The following APC variants were observed in gnomAD, a reference collection of about 807,000 sequenced individuals.
The protein encoded by APC is APC regulator of Wnt signaling pathway, also known as adenomatous polyposis coli protein.
In APC, 72 loss-of-function variants were observed where a neutral mutation model predicts 247.0. The ratio of observed to expected loss-of-function variants is 0.29; its 90% CI spans 0.24 to 0.35. APC has a LOEUF of 0.35. Ranked by LOEUF, APC falls within the 10% of genes least tolerant of loss-of-function variation. The pLI, the probability that APC is intolerant of heterozygous loss-of-function variation, is 1.00. For missense variants in APC, 3,400 were observed against 3,360.7 expected (o/e 1.01, Z -0.29); for synonymous variants, 1,254 against 1,162.5 (o/e 1.08, Z -1.60).
At chr5:112,726,022 C>T (rs2149664438) in intron 1 of APC, among the ~76,000 whole-genome samples, 2 of 152,196 alleles carry the variant, frequency 1.3e-5, no homozygotes, top group Middle Eastern at 3.4e-3. Context: ...CTGTTCAGGC[C>T]ACCGTCCATG....
chr5:112,776,850 A>C (rs186046514), intron 5 of APC, among the ~76,000 whole-genome samples: 20 of 151,104 alleles, frequency 1.3e-4, no homozygotes, highest in Non-Finnish European at 2.9e-4. Flanking sequence ...ATCTCAAAAC[A>C]AAAAGAAAAA....
intron 7 of APC, 128 bp from the exon 8 acceptor site, chr5:112,801,151 G>A: frequency 2.9e-6 from 2 of 681,360 alleles, no homozygotes; most frequent in South Asian, 3.3e-5. Context: ...GTAATACACA[G>A]TTCCATGCCT....
rs919197833 is a variant in APC, at chr5:112,738,407, G to A, written c.-19+482G>A. 4.1e-6 allele frequency: 4 copies of A among 985,712 alleles called. No individual in the cohort carries two copies. In the African/African-American group the frequency reaches 5.2e-5, roughly 13 times the overall value. 61.1% of individuals were successfully genotyped at this position (985,712 alleles called of 1,614,324 possible). On this transcript the variant is annotated intron_variant, in intron 1 of 15. Coordinates refer to ENST00000257430, the MANE Select transcript of APC (RefSeq NM_000038.6). ...GGAGACAAAACCGCTGCAGATGGCT[G>A]ATGTGAATCTAGTGGAAAGAGCTAC...
intron 1 of APC, among the ~76,000 whole-genome samples, chr5:112,741,163 A>C (rs1001973503): frequency 6.6e-6 from 1 of 152,220 alleles, no homozygotes; most frequent in South Asian, 2.1e-4. Flanking sequence ...TAAGACACGT[A>C]AACTAATCTC....
chr5:112,718,499 G>T (rs1751303247), intron 1 of APC, among the ~76,000 whole-genome samples: 1 of 152,302 alleles, frequency 6.6e-6, no homozygotes, highest in East Asian at 1.9e-4. Flanking sequence ...TTTCACTGCA[G>T]TCCTCACCCT....
rs1554088085 is a variant in APC, at chr5:112,842,754, A to G, written c.7160A>G (p.Asn2387Ser). ...ACCAAACAAACAGGTTTATCCAAGA[A>G]TGCCAGTAGTATTCCAAGAAGTGAG... ...NLTKQTGLSK[N>S]ASSIPRSESA... The change falls in exon 16 of 16, where the codon AAT becomes AGT. Residue 2387 changes from asparagine (N) to serine (S), a missense_variant. Asn to Ser is a conservative substitution (Grantham distance 46). This residue lies in a region of APC where 1,788 missense variants were observed against 1,649.5 expected (regional missense o/e 1.08). Transcript: ENST00000257430. 1 of 1,614,002 alleles carries G rather than the reference A, an allele frequency of 6.2e-7. No individual in the cohort carries two copies. Among genetic ancestry groups the G allele is most frequent in the Non-Finnish European group, 8.5e-7 (1 of 1,179,862 alleles).
chr5:112,725,399 T>C (rs1161973988), intron 1 of APC, among the ~76,000 whole-genome samples: 1 of 152,102 alleles, frequency 6.6e-6, no homozygotes, highest in Non-Finnish European at 1.5e-5. Flanking sequence ...TGTTGTTTCT[T>C]GAGTGTTCAA....
chr5:112,717,438 G>T (rs2149649838), intron 1 of APC, among the ~76,000 whole-genome samples: 1 of 151,992 alleles, frequency 6.6e-6, no homozygotes, highest in Middle Eastern at 3.4e-3. Context: ...GTATGATCTT[G>T]CACTTAAGAT....
chr5:112,781,449 A>G (rs1020904879), intron 6 of APC, among the ~76,000 whole-genome samples: 5 of 152,220 alleles, frequency 3.3e-5, no homozygotes, highest in African/African-American at 7.2e-5. Context: ...TTTTATATTC[A>G]AACAAGTTTA....
At chr5:112,737,078 C>T (rs188192506), upstream of APC, among the ~76,000 whole-genome samples, 1 of 152,250 alleles carries the variant, frequency 6.6e-6, no homozygotes, top group Admixed American at 6.5e-5. Flanking sequence ...TAAGCATCAC[C>T]TGGTTCGATT....
At chr5:112,787,927 T>C (rs974030362) in intron 6 of APC, among the ~76,000 whole-genome samples, 2 of 152,166 alleles carry the variant, frequency 1.3e-5, no homozygotes, top group Non-Finnish European at 2.9e-5. Context: ...ATATTACTTA[T>C]ATATGTGTGT....
chr5:112,727,693 A>G (rs1351818250), intron 1 of APC, among the ~76,000 whole-genome samples: 2 of 152,144 alleles, frequency 1.3e-5, no homozygotes, highest in Non-Finnish European at 2.9e-5. Context: ...ACTTTAAAAA[A>G]ATCATCCTAT....
chr5:112,777,500 T>C (rs144398070), intron 5 of APC: 1,833 of 155,628 alleles, frequency 0.012, 26 homozygotes, highest in Non-Finnish European at 0.013. Context: ...CCAGTGCAAT[T>C]AATGCAAAAG....
chr5:112,798,818 C>T (rs1271750196), intron 7 of APC, among the ~76,000 whole-genome samples: 1 of 151,990 alleles, frequency 6.6e-6, no homozygotes, highest in Non-Finnish European at 1.5e-5. Context: ...GTTGGAATTG[C>T]CTGGGTTGGA....
chr5:112,843,607 T>C lies in APC; in HGVS notation c.8013T>C (p.Ser2671=), dbSNP rs1294217069. The part of the protein sequence containing the change: ...IEDCPINNPR[S]GRSPTGNTPP... ...ACTGTCCCATTAACAATCCTAGATC[T>C]GGAAGATCTCCCACAGGTAATACTC... Residue 2671 remains serine (S), a synonymous_variant, in exon 16 of 16, where the codon TCT becomes TCC. Coordinates refer to ENST00000257430, the MANE Select transcript of APC (RefSeq NM_000038.6). This position sits in a 1 kb window ranked among gnomAD's most constrained non-coding sequence, Gnocchi z 4.8. The C allele has an allele frequency of 6.2e-7, 1 of 1,613,908 alleles. No individual in the cohort carries two copies. Among genetic ancestry groups the C allele is most frequent in the African/African-American group, 1.3e-5 (1 of 74,908 alleles).
At chr5:112,763,506 T>A (rs1432373026) in intron 2 of APC, among the ~76,000 whole-genome samples, 1 of 152,146 alleles carries the variant, frequency 6.6e-6, no homozygotes, top group African/African-American at 2.4e-5. Context: ...TATGGCTTTT[T>A]AATTTCTTTT....
intron 1 of APC, among the ~76,000 whole-genome samples, chr5:112,717,627 G>A (rs545809232): frequency 2.0e-5 from 3 of 152,186 alleles, no homozygotes; most frequent in East Asian, 3.9e-4. Flanking sequence ...TCAACTCTTT[G>A]TGTCTCAACT....
At chr5:112,707,725 C>T (rs2149630482) in exon 1 of APC, 3 of 1,370,670 alleles carry the variant, frequency 2.2e-6, no homozygotes, top group Non-Finnish European at 2.9e-6. Flanking sequence ...CCTATGTACG[C>T]CTCCCTGGGC....
chr5:112,830,979 A>T (rs765549749), intron 14 of APC, among the ~76,000 whole-genome samples: 1 of 152,238 alleles, frequency 6.6e-6, no homozygotes, highest in Non-Finnish European at 1.5e-5. Context: ...GTGCTTGCAC[A>T]CTTAAGTACT....
Sources: gnomAD v4.1 joint callset for allele counts (sites outside exome capture counted in the v4.1 genomes callset) on GRCh38, gnomAD v4.1.1 for gene constraint, gnomAD v4.1.1 regional missense constraint, Gnocchi (gnomAD v3.1) non-coding constraint, MANE v1.5 for transcripts, NCBI Gene and HGNC (gene_info 2026-07-23, HGNC 2026-07-21) for gene names.